ALK: variants seen among roughly 807,000 people sequenced by gnomAD.
ALK encodes the protein ALK receptor tyrosine kinase, also known as ALK tyrosine kinase receptor.
In ALK, 74 loss-of-function variants were observed where a neutral mutation model predicts 163.1. That is an observed-to-expected ratio of 0.45 (90% confidence interval 0.38 to 0.55). The LOEUF (loss-of-function observed/expected upper bound fraction) is 0.55, where lower values mean the gene tolerates loss of function less well. Ranked by LOEUF, ALK falls within the 20% of genes least tolerant of loss-of-function variation. The pLI is 0.00. For synonymous variants in ALK, 960 were observed against 843.2 expected, an observed-to-expected ratio of 1.14 and a Z score of -2.40; for missense variants, 2,063 against 2,105.3, an observed-to-expected ratio of 0.98 and a Z score of 0.39.
At chr2:29,905,997 G>A (rs917323028) in intron 1 of ALK, among the ~76,000 whole-genome samples, 6 of 152,144 alleles carry the variant, frequency 3.9e-5, no homozygotes, top group Non-Finnish European at 7.3e-5. Context: ...ACCCCTGCCT[G>A]CAGTTCTGCC....
At chr2:29,355,941 C>A (rs1668235978) in intron 5 of ALK, among the ~76,000 whole-genome samples, 1 of 152,164 alleles carries the variant, frequency 6.6e-6, no homozygotes, top group African/African-American at 2.4e-5. Flanking sequence ...GCATCTCTTC[C>A]CAATTCCACA....
chr2:29,452,747 C>T (rs764034176), intron 4 of ALK, among the ~76,000 whole-genome samples: 4 of 152,168 alleles, frequency 2.6e-5, no homozygotes, highest in Non-Finnish European at 4.4e-5. Context: ...CTAACATCAC[C>T]AGTTACAAGA....
intron 3 of ALK, among the ~76,000 whole-genome samples, chr2:29,693,874 C>T (rs558425929): frequency 6.6e-6 from 1 of 152,270 alleles, no homozygotes; most frequent in East Asian, 1.9e-4. Flanking sequence ...TTGGGGCAGT[C>T]ACTCCCCCGC....
intron 24 of ALK, among the ~76,000 whole-genome samples, chr2:29,210,718 A>C (rs1210212209): frequency 6.6e-6 from 1 of 152,190 alleles, no homozygotes; most frequent in African/African-American, 2.4e-5. Flanking sequence ...TAATTTTTAA[A>C]ATAAGCCATT....
intron 1 of ALK, among the ~76,000 whole-genome samples, chr2:29,866,820 T>A (rs890745046): frequency 6.6e-6 from 1 of 152,174 alleles, no homozygotes; most frequent in Non-Finnish European, 1.5e-5. Context: ...TGTTGGAAAC[T>A]CCACAATTCT....
chr2:29,202,293 C>CA (rs564614689), intron 26 of ALK, among the ~76,000 whole-genome samples: 184 of 152,284 alleles, frequency 1.2e-3, no homozygotes, highest in African/African-American at 4.1e-3. Flanking sequence ...CCACCTTTGC[C>CA]AAAAAAACCC....
chr2:29,572,547 A>G (rs986875011), intron 3 of ALK, among the ~76,000 whole-genome samples: 2 of 151,636 alleles, frequency 1.3e-5, no homozygotes, highest in African/African-American at 4.8e-5. Flanking sequence ...AGGAAAATCC[A>G]TCCCCTTTGT....
At chr2:29,372,282 G>A (rs1668656311) in intron 5 of ALK, among the ~76,000 whole-genome samples, 1 of 152,186 alleles carries the variant, frequency 6.6e-6, no homozygotes, top group African/African-American at 2.4e-5. Context: ...AAGTACTACA[G>A]TGAGCTGAAT....
intron 1 of ALK, among the ~76,000 whole-genome samples, chr2:29,865,646 A>G (rs1488814657): frequency 1.3e-5 from 2 of 152,222 alleles, no homozygotes; most frequent in Admixed American, 6.5e-5. Flanking sequence ...TCAGTGGACC[A>G]TGTCCACAGG....
At chr2:29,552,989 T>C (rs1462403673) in intron 3 of ALK, among the ~76,000 whole-genome samples, 4 of 152,172 alleles carry the variant, frequency 2.6e-5, no homozygotes, top group Admixed American at 2.0e-4. Context: ...TGAGAAAGCC[T>C]CCTCATCTTC....
intron 11 of ALK, among the ~76,000 whole-genome samples, chr2:29,262,255 A>G (rs1665107446): frequency 6.6e-6 from 1 of 152,230 alleles, no homozygotes; most frequent in Non-Finnish European, 1.5e-5. Context: ...TCTTTCTACA[A>G]CACGAACTGT....
chr2:29,875,484 T>C (rs1666680509), intron 1 of ALK, among the ~76,000 whole-genome samples: 1 of 152,216 alleles, frequency 6.6e-6, no homozygotes, highest in African/African-American at 2.4e-5. Context: ...GTTATATAGG[T>C]ATACCTGTGC....
At chr2:29,636,103 C>T (rs2339549) in intron 3 of ALK, among the ~76,000 whole-genome samples, 10 of 152,130 alleles carry the variant, frequency 6.6e-5, no homozygotes, top group Non-Finnish European at 1.2e-4. Flanking sequence ...GGAAGAATTG[C>T]TTTACCTGAA....
At chr2:29,277,291 C>T (rs538833131) in intron 9 of ALK, among the ~76,000 whole-genome samples, 2 of 152,178 alleles carry the variant, frequency 1.3e-5, no homozygotes, top group South Asian at 2.1e-4. Flanking sequence ...GCTCCCGTTG[C>T]GCCTGTGTGC....
At chr2:29,843,768 G>T (rs1319432834) in intron 1 of ALK, among the ~76,000 whole-genome samples, 1 of 152,086 alleles carries the variant, frequency 6.6e-6, no homozygotes, top group East Asian at 1.9e-4. Flanking sequence ...AAAATCTCTG[G>T]GACCATGGAA....
At chr2:29,357,871 G>T (rs1220497578) in intron 5 of ALK, among the ~76,000 whole-genome samples, 6 of 152,148 alleles carry the variant, frequency 3.9e-5, no homozygotes, top group Non-Finnish European at 7.3e-5. Flanking sequence ...CTATACTCTC[G>T]ATTTCAGAGA....
At chr2:29,590,365 G>A (rs1675014589) in intron 3 of ALK, among the ~76,000 whole-genome samples, 1 of 151,986 alleles carries the variant, frequency 6.6e-6, no homozygotes, top group Non-Finnish European at 1.5e-5. Context: ...ATTTTTAAAG[G>A]TTAAAAAAAT....
At chr2:29,769,389 C>T (rs1268563050) in intron 1 of ALK, among the ~76,000 whole-genome samples, 1 of 152,104 alleles carries the variant, frequency 6.6e-6, no homozygotes, top group Non-Finnish European at 1.5e-5. Context: ...GTAAGGAAAG[C>T]TCACGATTAC....
In ALK at chr2:29,693,595, A is replaced by G. The variant is rs946365658; in HGVS notation, c.952+1255T>C. Among the ~76,000 whole-genome samples the G allele has an allele frequency of 1.8e-4, 27 of 152,218 alleles. 2 individuals are homozygous for G. The highest frequency in any genetic ancestry group is 1.8e-3 in the Admixed American group (27 of 15,284). ...AAGTCTCTTTTGGTTCTTTGATGACAAGGTAGAGGCTGAGGTATAAGCCTG... is the reference window on the plus strand; with the variant it reads ...AAGTCTCTTTTGGTTCTTTGATGACGAGGTAGAGGCTGAGGTATAAGCCTG... On this transcript the variant is annotated intron_variant, in intron 3 of 28. Transcript: ENST00000389048.
Sources: allele counts gnomAD v4.1 joint callset (sites outside exome capture counted in the v4.1 genomes callset), GRCh38; gene constraint gnomAD v4.1.1; transcripts MANE v1.5; gene names NCBI Gene and HGNC (gene_info 2026-07-23, HGNC 2026-07-21).